The following CORO7 variants were observed in gnomAD, a reference collection of about 807,000 sequenced individuals.
CORO7 encodes the protein coronin-7.
CORO7 carries 107 observed loss-of-function variants against 126.6 expected under a neutral mutation model. The ratio of observed to expected loss-of-function variants is 0.85; its 90% CI spans 0.72 to 0.99. CORO7 has a LOEUF of 0.99. CORO7 is among the 50% of genes least tolerant of loss of function. CORO7 has a pLI of 0.00. For missense variants in CORO7, 1,314 were observed against 1,255.8 expected, an observed-to-expected ratio of 1.05 and a Z score of -0.70; for synonymous variants, 603 against 536.8, an observed-to-expected ratio of 1.12 and a Z score of -1.70.
chr16:4,358,592 G>A, intron 23 of CORO7, 109 bp from the exon 24 acceptor site: 1 of 1,003,828 alleles, frequency 1.0e-6, no homozygotes, highest in Non-Finnish European at 1.4e-6. Context: ...CATGCCTAGG[G>A]CCTGTCCCTG....
chr16:4,406,430 G>C (rs1388968811), intron 5 of CORO7, among the ~76,000 whole-genome samples: 1 of 152,054 alleles, frequency 6.6e-6, no homozygotes, highest in Non-Finnish European at 1.5e-5. Context: ...TGAGTACCTG[G>C]GACACAGACA....
chr16:4,385,903 G>A (rs1435595857), intron 9 of CORO7, among the ~76,000 whole-genome samples: 2 of 152,250 alleles, frequency 1.3e-5, no homozygotes, highest in Admixed American at 6.5e-5. Context: ...AGAAGAACTC[G>A]AGGGTGGTGG....
rs916147288 is a variant in CORO7 at position 4,362,390 on chromosome 16, G to A, written c.1402+222C>T. 6.6e-6 allele frequency among the ~76,000 whole-genome samples: 1 copy of A among 152,134 alleles called. No individual in the cohort carries two copies. The highest frequency in any genetic ancestry group is 6.5e-5 in the Admixed American group (1 of 15,270). ...AATCTTGGTGGAGCCCAGGGCTTTG[G>A]CTGCTCAGAAGCTGGTGGCCCCAGC... On this transcript the variant is annotated intron_variant, in intron 15 of 27. Transcript: ENST00000251166. The surrounding 1 kb of genome is among the most constrained non-coding windows in gnomAD (Gnocchi z 5.3).
intron 9 of CORO7, chr16:4,381,030 A>C: frequency 1.2e-6 from 2 of 1,610,112 alleles, no homozygotes; most frequent in South Asian, 2.2e-5. Context: ...GAGACGTGCC[A>C]CCCGACACGG....
chr16:4,407,924 G>A (rs1248539024), intron 4 of CORO7, among the ~76,000 whole-genome samples: 1 of 152,182 alleles, frequency 6.6e-6, no homozygotes, highest in African/African-American at 2.4e-5. Context: ...TCCCAGAGTT[G>A]GGGAAGTGGC....
chr16:4,357,750 T>C, intron 25 of CORO7: 2 of 728,692 alleles, frequency 2.7e-6, no homozygotes, highest in Non-Finnish European at 2.1e-6. Flanking sequence ...CCACAGTGTG[T>C]GCGTGTGTGT....
chr16:4,371,879 C>A (rs543705355), intron 9 of CORO7: 1 of 152,112 alleles, frequency 6.6e-6, no homozygotes, highest in Non-Finnish European at 1.5e-5. Flanking sequence ...GGCGGGTGGA[C>A]GCGGACTCGA....
rs984952949 is a variant in CORO7, at chr16:4,374,449, C to T, written c.786-8904G>A. On this transcript the variant is annotated intron_variant, in intron 9 of 27. Transcript: ENST00000251166. ...GTTATTCTTCAGGGTTCGGGACGGC[C>T]CCCACCAGACTCTTCGTGGGGAATG... Among the ~76,000 whole-genome samples the T allele has an allele frequency of 4.6e-5, 7 of 152,196 alleles. No homozygotes were observed. In the South Asian group the frequency reaches 1.5e-3, roughly 32 times the overall value.
intron 9 of CORO7, among the ~76,000 whole-genome samples, chr16:4,387,313 G>C (rs2055226635): frequency 6.6e-6 from 1 of 152,092 alleles, no homozygotes; most frequent in African/African-American, 2.4e-5. Flanking sequence ...GCACACAGCT[G>C]ACTGTGCCTG....
intron 9 of CORO7, among the ~76,000 whole-genome samples, chr16:4,366,033 G>C (rs1354476227): frequency 6.6e-6 from 1 of 152,198 alleles, no homozygotes; most frequent in Non-Finnish European, 1.5e-5. Flanking sequence ...ACTAAGGTTT[G>C]GGGCCCTCTA....
chr16:4,381,966 C>A, intron 9 of CORO7: 1 of 1,608,310 alleles, frequency 6.2e-7, no homozygotes. Context: ...CCACGAGGCC[C>A]GTGGTGCGGG....
chr16:4,381,259 C>T (rs2054948603), intron 9 of CORO7: 5 of 1,611,674 alleles, frequency 3.1e-6, no homozygotes, highest in Admixed American at 1.7e-5. Context: ...GCGCCTCGAG[C>T]GCCTCTACCT....
chr16:4,408,297 A>T, intron 3 of CORO7, 46 bp from the exon 4 acceptor site: 1 of 1,613,740 alleles, frequency 6.2e-7, no homozygotes, highest in Non-Finnish European at 8.5e-7. Context: ...CCTGTTTCCA[A>T]CCCAGTATGA....
chr16:4,359,395 A>G lies in CORO7; in HGVS notation c.2251-10T>C, dbSNP rs756913162. On this transcript the variant is annotated splice_polypyrimidine_tract_variant and intron_variant, in intron 22 of 27. Coordinates refer to ENST00000251166, the MANE Select transcript of CORO7 (RefSeq NM_024535.5). ...ATACACGGGTGTCGCCCTGCGGGGA[A>G]GAAGGCAGGCTGGGAACCCTCCGGC... The G allele has an allele frequency of 6.8e-6, 11 of 1,613,634 alleles. No homozygotes were observed. The highest frequency in any genetic ancestry group is 5.5e-5 in the South Asian group (5 of 91,078).
intron 8 of CORO7, 139 bp downstream of exon 8, chr16:4,388,406 G>A (rs758985394): frequency 7.7e-5 from 74 of 955,140 alleles, no homozygotes; most frequent in Non-Finnish European, 8.7e-5. Context: ...TCTGAGACCC[G>A]GCAGCACAGC....
chr16:4,370,166 T>C (rs757881333), intron 9 of CORO7, among the ~76,000 whole-genome samples: 5 of 152,194 alleles, frequency 3.3e-5, no homozygotes, highest in Non-Finnish European at 2.9e-5. Context: ...TCTTTACCCC[T>C]GACCCTGGGC....
At position 4,407,571 on chromosome 16, in the gene CORO7, G is replaced by A. The variant is rs780954134; in HGVS notation, c.417C>T (p.Asp139=). 12 of 1,587,634 alleles carry A rather than the reference G, an allele frequency of 7.6e-6. No individual in the cohort carries two copies. Among genetic ancestry groups the A allele is most frequent in the East Asian group, 2.3e-5 (1 of 43,494 alleles). ...TGCCTGCTGCGCTCACCAGAATGCC[G>A]TCAGAGGTGGGGTGGAACTGCAGTA... The part of the protein sequence containing the change: ...VEVLQFHPTS[D]GILVSAAGTT... The change falls in exon 5 of 28, where the codon GAC becomes GAT. Residue 139 remains aspartate, a synonymous_variant. Transcript: ENST00000251166.
intron 8 of CORO7, 102 bp downstream of exon 8, chr16:4,388,443 C>G: frequency 7.6e-7 from 1 of 1,313,580 alleles, no homozygotes; most frequent in Non-Finnish European, 1.1e-6. Flanking sequence ...AGGCCTGGAA[C>G]TGGCCCTCAG....
At chr16:4,361,583 C>A in intron 16 of CORO7, 114 bp from the exon 17 acceptor site, 1 of 1,264,916 alleles carries the variant, frequency 7.9e-7, no homozygotes, top group East Asian at 2.5e-5. Flanking sequence ...CAGAGGCTCC[C>A]ACCGCTGGGT....
Sources: allele counts gnomAD v4.1 joint callset (sites outside exome capture counted in the v4.1 genomes callset), GRCh38; gene constraint gnomAD v4.1.1; non-coding constraint Gnocchi (gnomAD v3.1); transcripts MANE v1.5; gene names NCBI Gene and HGNC (gene_info 2026-07-23, HGNC 2026-07-21).